The following CRTC3 variants were observed in gnomAD, a reference collection of about 807,000 sequenced individuals.
CRTC3 encodes the protein CREB-regulated transcription coactivator 3.
A neutral mutation model predicts 74.5 loss-of-function variants in CRTC3; 26 were observed. The observed-to-expected ratio is 0.35, with a 90% CI of 0.26 to 0.48. The LOEUF is 0.48. Ranked by LOEUF, CRTC3 falls within the 20% of genes least tolerant of loss-of-function variation. The pLI is 0.99. For synonymous variants in CRTC3, 377 were observed against 325.8 expected (o/e 1.16, Z -1.69); for missense variants, 760 against 787.3 (o/e 0.97, Z 0.41).
chr15:90,624,679 G>A (rs745989353), intron 9 of CRTC3, among the ~76,000 whole-genome samples: 11 of 152,212 alleles, frequency 7.2e-5, no homozygotes, highest in East Asian at 1.9e-4. Flanking sequence ...AGCATAGCGC[G>A]CTTCCTGCCA....
At chr15:90,619,969 C>T (rs1182353572) in intron 9 of CRTC3, 179 bp downstream of exon 9, 9 of 588,884 alleles carry the variant, frequency 1.5e-5, no homozygotes, top group Non-Finnish European at 2.4e-5. Flanking sequence ...TCTGTTTAAA[C>T]TAATTAAATT....
intron 9 of CRTC3, among the ~76,000 whole-genome samples, chr15:90,620,579 C>T (rs1968617109): frequency 6.6e-6 from 1 of 152,016 alleles, no homozygotes; most frequent in Non-Finnish European, 1.5e-5. Context: ...CTGCGTGGGA[C>T]GGTACAGACA....
intron 5 of CRTC3, among the ~76,000 whole-genome samples, chr15:90,606,255 A>G (rs997917676): frequency 2.0e-5 from 3 of 151,328 alleles, no homozygotes; most frequent in African/African-American, 7.3e-5. Flanking sequence ...CTCAAAAAGT[A>G]ACACTAGTAA....
intron 3 of CRTC3, among the ~76,000 whole-genome samples, chr15:90,599,921 A>G (rs1199365674): frequency 2.0e-5 from 3 of 152,226 alleles, no homozygotes; most frequent in African/African-American, 7.2e-5. Flanking sequence ...AATCTGCAGA[A>G]AAGAGAAAGG....
intron 2 of CRTC3, among the ~76,000 whole-genome samples, chr15:90,544,836 A>G (rs1252723420): frequency 3.3e-5 from 5 of 152,206 alleles, no homozygotes; most frequent in Admixed American, 2.6e-4. Flanking sequence ...ACAGAACATA[A>G]AATTTACCAT....
At chr15:90,597,871 C>T (rs1046404445) in intron 3 of CRTC3, 1 of 152,310 alleles carries the variant, frequency 6.6e-6, no homozygotes, top group Non-Finnish European at 1.5e-5. Context: ...AAAGATGCCA[C>T]TCATATCCTC....
chr15:90,562,909 C>A (rs1967043798), intron 2 of CRTC3, among the ~76,000 whole-genome samples: 1 of 152,102 alleles, frequency 6.6e-6, no homozygotes, highest in African/African-American at 2.4e-5. Flanking sequence ...AGGAGCAGAC[C>A]AGGCCACACA....
chr15:90,542,054 G>T (rs951986526), intron 2 of CRTC3, among the ~76,000 whole-genome samples: 1 of 152,000 alleles, frequency 6.6e-6, no homozygotes, highest in Admixed American at 6.6e-5. Context: ...AAAGTGCTGG[G>T]ATTACAGGCA....
At chr15:90,573,826 CTG>C (rs1433065478) in intron 2 of CRTC3, among the ~76,000 whole-genome samples, 1 of 152,190 alleles carries the variant, frequency 6.6e-6, no homozygotes, top group Non-Finnish European at 1.5e-5. Flanking sequence ...CTCTCCATCT[CTG>C]TCCTAGCCAC....
chr15:90,631,828 C>T (rs1418806626), intron 11 of CRTC3, among the ~76,000 whole-genome samples: 1 of 152,086 alleles, frequency 6.6e-6, no homozygotes, highest in Non-Finnish European at 1.5e-5. Flanking sequence ...GTGATCCTCG[C>T]ACCTCAGCCT....
At chr15:90,620,915 C>G (rs76894131) in intron 9 of CRTC3, among the ~76,000 whole-genome samples, 3,213 of 152,248 alleles carry the variant, frequency 0.021, 123 homozygotes, top group African/African-American at 0.073. Flanking sequence ...TCAAGGCACT[C>G]TCTACTGAGT....
chr15:90,548,782 A>C (rs939813756), intron 2 of CRTC3, among the ~76,000 whole-genome samples: 3 of 152,246 alleles, frequency 2.0e-5, no homozygotes, highest in Non-Finnish European at 2.9e-5. Context: ...CAACATAGCA[A>C]CAAATTGCAA....
At chr15:90,605,489 G>T (rs923494079) in intron 5 of CRTC3, among the ~76,000 whole-genome samples, 1 of 152,096 alleles carries the variant, frequency 6.6e-6, no homozygotes, top group African/African-American at 2.4e-5. Flanking sequence ...CCACAATGCC[G>T]CTATTACACT....
At chr15:90,574,364 G>C (rs1215503748) in intron 2 of CRTC3, among the ~76,000 whole-genome samples, 5 of 152,084 alleles carry the variant, frequency 3.3e-5, no homozygotes, top group Admixed American at 1.3e-4. Flanking sequence ...TGTAGTCCCA[G>C]CTACTCAGGA....
chr15:90,620,569 C>A (rs1968616715), intron 9 of CRTC3, among the ~76,000 whole-genome samples: 1 of 152,090 alleles, frequency 6.6e-6, no homozygotes, highest in African/African-American at 2.4e-5. Flanking sequence ...GGCTGGTGTG[C>A]TGCGTGGGAC....
At chr15:90,549,513 C>T (rs543091786) in intron 2 of CRTC3, among the ~76,000 whole-genome samples, 49 of 152,162 alleles carry the variant, frequency 3.2e-4, no homozygotes, top group African/African-American at 1.1e-3. Flanking sequence ...CCATGGCTCA[C>T]GCCTGTAATC....
chr15:90,603,950 C>T (rs4454949), intron 4 of CRTC3, among the ~76,000 whole-genome samples: 34,056 of 152,050 alleles, frequency 0.22, 3,979 homozygotes, highest in African/African-American at 0.27. Context: ...TTTTATGTAT[C>T]CAAGAAATGT....
chr15:90,551,692 A>C (rs190467474), intron 2 of CRTC3, among the ~76,000 whole-genome samples: 2 of 152,130 alleles, frequency 1.3e-5, no homozygotes, highest in African/African-American at 2.4e-5. Flanking sequence ...TTATCAGCCA[A>C]TCAGATTTCT....
Position 90,638,517 on chromosome 15 carries a change from C to A in CRTC3, c.1338C>A (p.Pro446=). Residue 446 remains proline (P), a synonymous_variant, in exon 12 of 15, where the codon CCC becomes CCA. Coordinates refer to ENST00000268184, the MANE Select transcript of CRTC3 (RefSeq NM_022769.5). ...TEAQAQVSPP[P]PYPAPQELTQ... is the part of the protein sequence containing the mutation. Reference sequence around the variant, plus strand: ...CTCAAGCCCAGGTGTCGCCGCCACCCCCTTACCCTGCACCCCAGGAGCTCA... The same window carrying A: ...CTCAAGCCCAGGTGTCGCCGCCACCACCTTACCCTGCACCCCAGGAGCTCA... 6.2e-7 allele frequency: 1 copy of A among 1,613,926 alleles called. No homozygotes were observed. The highest frequency in any genetic ancestry group is 8.5e-7 in the Non-Finnish European group (1 of 1,179,996).
Sources: gnomAD v4.1 joint callset for allele counts (sites outside exome capture counted in the v4.1 genomes callset) on GRCh38, gnomAD v4.1.1 for gene constraint, MANE v1.5 for transcripts, NCBI Gene and HGNC (gene_info 2026-07-23, HGNC 2026-07-21) for gene names.